CINP: variants seen among roughly 807,000 people sequenced by gnomAD.
CINP encodes cyclin dependent kinase 2 interacting protein, also known as cyclin-dependent kinase 2-interacting protein.
Under a neutral mutation model 20.5 loss-of-function variants are expected in CINP, and 11 were observed. The ratio of observed to expected loss-of-function variants is 0.54; its 90% CI spans 0.34 to 0.89. The LOEUF (loss-of-function observed/expected upper bound fraction) is 0.89. Ranked by LOEUF, CINP falls within the 40% of genes least tolerant of loss-of-function variation. The pLI, the probability that CINP is intolerant of heterozygous loss-of-function variation, is 0.02. For missense variants in CINP, 213 were observed against 251.0 expected, an observed-to-expected ratio of 0.85 and a Z score of 1.02; for synonymous variants, 108 against 102.1, an observed-to-expected ratio of 1.06 and a Z score of -0.35.
chr14:102,356,804 A>T (rs1040572334), intron 2 of CINP, among the ~76,000 whole-genome samples: 3 of 152,144 alleles, frequency 2.0e-5, no homozygotes, highest in African/African-American at 7.2e-5. Context: ...AACCATGTGC[A>T]TATATAACGG....
intron 3 of CINP, chr14:102,352,430 G>C: frequency 2.2e-6 from 1 of 450,328 alleles, no homozygotes; most frequent in South Asian, 1.6e-5. Flanking sequence ...TTTCAACATC[G>C]GTGGCTTCTT....
intron 2 of CINP, among the ~76,000 whole-genome samples, chr14:102,357,134 A>T (rs1220142064): frequency 6.6e-6 from 1 of 152,194 alleles, no homozygotes; most frequent in East Asian, 1.9e-4. Flanking sequence ...TAATCCTAGC[A>T]CTTTGGGAGG....
At position 102,355,814 on chromosome 14, in the gene CINP, T is replaced by G; in HGVS notation, c.260A>C (p.Glu87Ala). ...EEKVCLEYNE[E>A]LEKLCEELQA... Reference sequence around the variant, plus strand: ...CAGTTCCTCACACAGCTTCTCCAGTTCCTCGTTATATTCCAGACACACCTT... The same window carrying G: ...CAGTTCCTCACACAGCTTCTCCAGTGCCTCGTTATATTCCAGACACACCTT... Residue 87 changes from glutamate to alanine, a missense_variant, in exon 3 of 5, where the codon GAA (glutamate) becomes GCA (alanine). Coordinates refer to ENST00000216756, the MANE Select transcript of CINP (RefSeq NM_032630.3). The G allele has an allele frequency of 1.2e-6, 2 of 1,614,214 alleles. No individual in the cohort carries two copies. The highest frequency in any genetic ancestry group is 1.7e-6 in the Non-Finnish European group (2 of 1,180,008).
chr14:102,352,744 C>T (rs1037607949), intron 3 of CINP, among the ~76,000 whole-genome samples: 2 of 151,454 alleles, frequency 1.3e-5, no homozygotes, highest in African/African-American at 4.8e-5. Context: ...CTGCAACCTC[C>T]GAAAGTGATT....
intron 3 of CINP, 104 bp from the exon 4 acceptor site, chr14:102,350,152 TAAA>T: frequency 9.2e-7 from 1 of 1,091,040 alleles, no homozygotes; most frequent in Admixed American, 2.6e-5. Flanking sequence ...TCTATTATGA[TAAA>T]AATTCCAATA....
chr14:102,352,146 A>G (rs926205559), intron 3 of CINP, among the ~76,000 whole-genome samples: 1 of 152,166 alleles, frequency 6.6e-6, no homozygotes, highest in African/African-American at 2.4e-5. Context: ...TCAGCCTCCC[A>G]AAGTGTTGGG....
intron 1 of CINP, among the ~76,000 whole-genome samples, chr14:102,359,893 G>A (rs1004622645): frequency 2.0e-5 from 3 of 152,190 alleles, no homozygotes; most frequent in African/African-American, 7.2e-5. Context: ...AGTTGTGACT[G>A]TCTGCTAAAA....
intron 2 of CINP, 138 bp from the exon 3 acceptor site, chr14:102,356,035 A>G: frequency 1.2e-6 from 1 of 848,942 alleles, no homozygotes; most frequent in Non-Finnish European, 1.8e-6. Flanking sequence ...TCATATCATT[A>G]TGATACAAAT....
intron 2 of CINP, 34 bp from the exon 3 acceptor site, chr14:102,355,931 T>C: frequency 1.2e-6 from 2 of 1,609,054 alleles, no homozygotes; most frequent in Admixed American, 1.7e-5. Context: ...GTACAAAATA[T>C]ACTCTTTAAG....
chr14:102,355,606 C>T (rs779372055), intron 3 of CINP, 162 bp downstream of exon 3: 7 of 734,446 alleles, frequency 9.5e-6, no homozygotes, highest in Non-Finnish European at 1.3e-5. Context: ...GTGTCTAAGA[C>T]AGCATCTTGG....
At chr14:102,355,737 AC>A in intron 3 of CINP, 30 bp downstream of exon 3, 1 of 1,611,066 alleles carries the variant, frequency 6.2e-7, no homozygotes, top group East Asian at 2.2e-5. Context: ...AGTGACAGTG[AC>A]CACAAGTGGC....
intron 3 of CINP, among the ~76,000 whole-genome samples, chr14:102,350,961 G>C (rs565684704): frequency 2.0e-5 from 3 of 152,008 alleles, no homozygotes; most frequent in Non-Finnish European, 4.4e-5. Flanking sequence ...AAGTAGCTGG[G>C]ATTGCAGGCA....
Position 102,348,357 on chromosome 14 carries a change from G to A in CINP, c.*200C>T. The A allele has an allele frequency of 1.7e-6, 1 of 582,600 alleles. No homozygotes were observed. Among genetic ancestry groups the A allele is most frequent in the Non-Finnish European group, 3.1e-6 (1 of 326,914 alleles). 36.1% of individuals were successfully genotyped at this position (582,600 alleles called of 1,614,324 possible). A position where few individuals can be genotyped will look rare whatever the true frequency, so the allele number is the denominator to read the frequency against. Reference sequence around the variant, plus strand: ...ATTCCCAGGAGGGGCAGAGAAGGCTGAGCAGCACCACGTGGGGCTGGCCGC... The same window carrying A: ...ATTCCCAGGAGGGGCAGAGAAGGCTAAGCAGCACCACGTGGGGCTGGCCGC... On this transcript the variant is annotated 3_prime_UTR_variant, in exon 5 of 5. Coordinates refer to ENST00000216756, the MANE Select transcript of CINP (RefSeq NM_032630.3).
intron 1 of CINP, 141 bp from the exon 2 acceptor site, chr14:102,359,728 T>A (rs1887095722): frequency 1.9e-6 from 1 of 528,824 alleles, no homozygotes; most frequent in Non-Finnish European, 3.2e-6. Flanking sequence ...AACTACAAAG[T>A]CTGAATGAAT....
At chr14:102,362,717 G>A in intron 1 of CINP, 128 bp downstream of exon 1, 1 of 1,279,482 alleles carries the variant, frequency 7.8e-7, no homozygotes, top group East Asian at 2.4e-5. Flanking sequence ...GCTAGGCTGG[G>A]GTAAGACAGA....
At position 102,350,808 on chromosome 14, in the gene CINP, CT is replaced by C. The variant is rs58210806; in HGVS notation, c.307-761del. On this transcript the variant is annotated intron_variant, in intron 3 of 4. Transcript: ENST00000216756. ...CGTTTCTGATGTTCTCTCTCTCTCT[CT>C]TTTTTTTTTTTTTTTTTGAGACGGA... Among the ~76,000 whole-genome samples, 871 of 127,846 alleles carry C rather than the reference CT, an allele frequency of 6.8e-3. 5 individuals are homozygous for C. The highest frequency in any genetic ancestry group is 8.5e-3 in the Non-Finnish European group (523 of 61,202). The allele number at this position is 127,846 out of a possible 152,430, so 83.9% of individuals were successfully genotyped here. A position where few individuals can be genotyped will look rare whatever the true frequency, so the allele number is the denominator to read the frequency against.
In CINP at chr14:102,348,578, C is replaced by T. The variant is rs1886797060; in HGVS notation, c.618G>A (p.Glu206=). 3.1e-6 allele frequency: 5 copies of T among 1,612,120 alleles called. No homozygotes were observed. Among genetic ancestry groups the T allele is most frequent in the Non-Finnish European group, 4.2e-6 (5 of 1,179,500 alleles). Residue 206 remains glutamate, a synonymous_variant, in exon 5 of 5, where the codon GAG becomes GAA. Transcript: ENST00000216756. ...GACGTCAGAGAGCTCGGTGGCCTGTCTCCAGCAGCATGCTCTCCAGATGCA... is the reference window on the plus strand; with the variant it reads ...GACGTCAGAGAGCTCGGTGGCCTGTTTCCAGCAGCATGCTCTCCAGATGCA... ...SRLHLESMLL[E]TGHRAL is the part of the protein sequence containing the mutation.
At chr14:102,358,325 A>G (rs913612830) in intron 2 of CINP, among the ~76,000 whole-genome samples, 2 of 152,236 alleles carry the variant, frequency 1.3e-5, no homozygotes, top group Non-Finnish European at 1.5e-5. Context: ...TTAAACAGCA[A>G]TGAGAAAGAA....
At chr14:102,359,205 AAAAT>A (rs1567306739) in intron 2 of CINP, among the ~76,000 whole-genome samples, 1 of 126,102 alleles carries the variant, frequency 7.9e-6, no homozygotes. Context: ...CATCTCCAAA[AAAAT>A]AAATAAATAA....
Sources: allele counts gnomAD v4.1 joint callset (sites outside exome capture counted in the v4.1 genomes callset), GRCh38; gene constraint gnomAD v4.1.1; transcripts MANE v1.5; gene names NCBI Gene and HGNC (gene_info 2026-07-23, HGNC 2026-07-21).